JAK1: variants seen among roughly 807,000 people sequenced by gnomAD.
JAK1 encodes the protein Janus kinase 1, also known as tyrosine-protein kinase JAK1.
In JAK1, 16 loss-of-function variants were observed where a neutral mutation model predicts 136.6. That is an observed-to-expected ratio of 0.12 (90% CI 0.08 to 0.18). The LOEUF (loss-of-function observed/expected upper bound fraction) is 0.18. JAK1 is among the 10% of genes least tolerant of loss of function. The pLI is 1.00. For synonymous variants in JAK1, 492 were observed against 519.5 expected (o/e 0.95, Z 0.72); for missense variants, 859 against 1,450.1 (o/e 0.59, Z 6.62).
chr1:64,909,759 G>C (rs1238040737), intron 1 of JAK1, among the ~76,000 whole-genome samples: 2 of 152,104 alleles, frequency 1.3e-5, no homozygotes. Context: ...GGGAGGTCGA[G>C]GCTGCAATGA....
intron 2 of JAK1, among the ~76,000 whole-genome samples, chr1:64,971,832 T>C (rs12119016): frequency 3.3e-5 from 5 of 152,366 alleles, no homozygotes; most frequent in African/African-American, 1.2e-4. Flanking sequence ...GTGCTGAGAT[T>C]ACAGGCGTAA....
chr1:64,995,608 T>C (rs1174538391), intron 2 of JAK1, among the ~76,000 whole-genome samples: 1 of 152,180 alleles, frequency 6.6e-6, no homozygotes, highest in African/African-American at 2.4e-5. Flanking sequence ...ACAAACTATT[T>C]CCCCTAATAC....
chr1:65,014,975 G>T (rs1364008169), intron 2 of JAK1, among the ~76,000 whole-genome samples: 1 of 151,824 alleles, frequency 6.6e-6, no homozygotes, highest in Non-Finnish European at 1.5e-5. Flanking sequence ...TTGAGCCACC[G>T]CGCCCGGCCC....
At chr1:64,902,945 C>T (rs1012876828) in intron 1 of JAK1, among the ~76,000 whole-genome samples, 1 of 152,102 alleles carries the variant, frequency 6.6e-6, no homozygotes, top group Non-Finnish European at 1.5e-5. Flanking sequence ...CAGCTTCTAC[C>T]CTGGAGACCA....
intron 1 of JAK1, among the ~76,000 whole-genome samples, chr1:64,962,842 C>T (rs573608626): frequency 1.1e-4 from 16 of 152,042 alleles, no homozygotes; most frequent in Non-Finnish European, 2.1e-4. Context: ...CCAAGGCAGG[C>T]GGATCACTTG....
At chr1:64,909,915 G>GC (rs61330226) in intron 1 of JAK1, among the ~76,000 whole-genome samples, 150,595 of 152,236 alleles carry the variant, frequency 0.99, 74,507 homozygotes, top group Middle Eastern at 1. Flanking sequence ...TTGTCCAAGA[G>GC]GTTAATAGGC....
chr1:65,001,985 G>T (rs764114843), intron 2 of JAK1, among the ~76,000 whole-genome samples: 7 of 151,382 alleles, frequency 4.6e-5, no homozygotes, highest in Non-Finnish European at 7.4e-5. Flanking sequence ...GAGCAAAATG[G>T]CATATATCAG....
rs12049324 is a variant in JAK1 at position 65,002,765 on chromosome 1, C to T, written c.-78+41715G>A. Among the ~76,000 whole-genome samples, 432 of 152,350 alleles carry T rather than the reference C, an allele frequency of 2.8e-3. 17 individuals carry two copies. In the East Asian group the frequency reaches 0.069, roughly 24 times the overall value. ...TTACCGAAAGCGCGAGCCCGGACTTCCCCGCCACGATCGATGTGGCCAGTC... is the reference window on the plus strand; with the variant it reads ...TTACCGAAAGCGCGAGCCCGGACTTTCCCGCCACGATCGATGTGGCCAGTC... On this transcript the variant is annotated intron_variant, in intron 2 of 25. Coordinates refer to the JAK1 transcript ENST00000671954.
intron 1 of JAK1, among the ~76,000 whole-genome samples, chr1:64,955,482 T>C (rs1646170107): frequency 6.6e-6 from 1 of 152,108 alleles, no homozygotes; most frequent in Non-Finnish European, 1.5e-5. Context: ...TGGGAAACAT[T>C]GAAAGCAAAA....
At chr1:64,917,303 G>A (rs1004897245) in intron 1 of JAK1, among the ~76,000 whole-genome samples, 1 of 152,146 alleles carries the variant, frequency 6.6e-6, no homozygotes, top group Non-Finnish European at 1.5e-5. Flanking sequence ...AATTATCAAC[G>A]AAGTATGAAG....
intron 2 of JAK1, among the ~76,000 whole-genome samples, chr1:65,019,058 G>A (rs1005489765): frequency 6.6e-6 from 1 of 151,848 alleles, no homozygotes; most frequent in Non-Finnish European, 1.5e-5. Context: ...CAAAAATCTC[G>A]AACAATCCTA....
intron 1 of JAK1, among the ~76,000 whole-genome samples, chr1:64,955,907 G>C (rs1051338024): frequency 1.3e-5 from 2 of 152,244 alleles, no homozygotes; most frequent in South Asian, 2.1e-4. Flanking sequence ...TCTAAGGCAG[G>C]GGGCAGCAGA....
chr1:64,850,004 C>T (rs761149649), intron 12 of JAK1, among the ~76,000 whole-genome samples: 24 of 152,300 alleles, frequency 1.6e-4, no homozygotes, highest in Non-Finnish European at 2.6e-4. Context: ...AACAAACCCC[C>T]GAGTGCCACT....
chr1:64,881,220 C>G (rs1644767148), intron 3 of JAK1, among the ~76,000 whole-genome samples: 1 of 150,760 alleles, frequency 6.6e-6, no homozygotes, highest in Non-Finnish European at 1.5e-5. Context: ...TATGATGGAA[C>G]CACTGCACTC....
chr1:64,875,461 C>T (rs982808471), intron 4 of JAK1, among the ~76,000 whole-genome samples: 23 of 152,236 alleles, frequency 1.5e-4, no homozygotes, highest in Non-Finnish European at 3.2e-4. Flanking sequence ...CTGTCCTGCT[C>T]ACCACTGAAT....
intron 1 of JAK1, among the ~76,000 whole-genome samples, chr1:65,065,805 C>T (rs1648015589): frequency 6.6e-6 from 1 of 150,956 alleles, no homozygotes; most frequent in South Asian, 2.1e-4. Context: ...AAGGGGGCTA[C>T]GGAGGGACAG....
intron 21 of JAK1, 82 bp downstream of exon 21, chr1:64,838,383 A>AC: frequency 1.4e-6 from 2 of 1,412,074 alleles, no homozygotes; most frequent in Non-Finnish European, 2.0e-6. Flanking sequence ...AAACTTACCC[A>AC]CTTAGAGTCA....
intron 1 of JAK1, among the ~76,000 whole-genome samples, chr1:64,887,514 A>C (rs1644869679): frequency 6.6e-6 from 1 of 152,194 alleles, no homozygotes; most frequent in African/African-American, 2.4e-5. Context: ...AAGTATTTTC[A>C]AACAGCTCTG....
intron 1 of JAK1, among the ~76,000 whole-genome samples, chr1:65,050,846 T>C (rs1016553140): frequency 6.6e-6 from 1 of 152,226 alleles, no homozygotes; most frequent in African/African-American, 2.4e-5. Flanking sequence ...GCTTCATCAC[T>C]GACTAGCTGT....
Sources: gnomAD v4.1 joint callset for allele counts (sites outside exome capture counted in the v4.1 genomes callset) on GRCh38, gnomAD v4.1.1 for gene constraint, MANE v1.5 for transcripts, NCBI Gene and HGNC (gene_info 2026-07-23, HGNC 2026-07-21) for gene names.